OR10H1: variants seen among roughly 807,000 people sequenced by gnomAD.
OR10H1 encodes the protein olfactory receptor family 10 subfamily H member 1.
In OR10H1, 12 loss-of-function variants were observed where a neutral mutation model predicts 13.1. The ratio of observed to expected loss-of-function variants is 0.92; its 90% CI spans 0.59 to 1.48. The LOEUF is 1.48. Ranked by LOEUF, OR10H1 falls within the 40% of genes most tolerant of loss-of-function variation. OR10H1 has a pLI of 0.00. For synonymous variants in OR10H1, 168 were observed against 175.6 expected (o/e 0.96, Z 0.34); for missense variants, 363 against 413.1 (o/e 0.88, Z 1.05).
rs1474432236 is a variant in OR10H1, at chr19:15,805,306, A to C, written c.*1775T>G. The C allele has an allele frequency of 1.3e-5, 2 of 152,118 alleles. No homozygotes were observed. Among genetic ancestry groups the C allele is most frequent in the African/African-American group, 4.8e-5 (2 of 41,440 alleles). 9.4% of individuals were successfully genotyped at this position (152,118 alleles called of 1,614,324 possible). On this transcript the variant is annotated 3_prime_UTR_variant, in exon 4 of 4. Transcript: ENST00000641419. ...GTTGTTTTGACTGCTTGAATGATGG[A>C]GAATTCACACTTTAGAAAAAAATGA...
In OR10H1 at chr19:15,807,754, A is replaced by G; in HGVS notation, c.284T>C (p.Leu95Pro). 6.2e-7 allele frequency: 1 copy of G among 1,611,542 alleles called. No homozygotes were observed. Among genetic ancestry groups the G allele is most frequent in the Non-Finnish European group, 8.5e-7 (1 of 1,177,990 alleles). Reference sequence around the variant, plus strand: ...GAAGAACATCTGACTGGCACAGGCCAGGAAGGCGATGGAGCGCTGGGTGGA... The same window carrying G: ...GAAGAACATCTGACTGGCACAGGCCGGGAAGGCGATGGAGCGCTGGGTGGA... ...LLSTQRSIAF[L>P]ACASQMFFSF... Residue 95 changes from leucine to proline, a missense_variant, in exon 4 of 4, where the codon CTG becomes CCG. Physicochemically the swap from Leu to Pro is moderately conservative, Grantham distance 98 (BLOSUM62 -3). Coordinates refer to ENST00000641419, the MANE Select transcript of OR10H1 (RefSeq NM_013940.4).
At chr19:15,811,972 G>A (rs1415603400) in intron 2 of OR10H1, among the ~76,000 whole-genome samples, 3 of 152,168 alleles carry the variant, frequency 2.0e-5, no homozygotes, top group South Asian at 2.1e-4. Flanking sequence ...CAACAACACC[G>A]ATGAGAGCAG....
intron 2 of OR10H1, among the ~76,000 whole-genome samples, chr19:15,809,171 G>C (rs1351292401): frequency 2.0e-5 from 3 of 152,212 alleles, no homozygotes; most frequent in Non-Finnish European, 2.9e-5. Flanking sequence ...TCTATGTTCT[G>C]AGGCAATGAA....
Position 15,807,767 on chromosome 19 carries a change from A to G in OR10H1, c.271T>C (p.Ser91Pro). 6.2e-7 allele frequency: 1 copy of G among 1,609,184 alleles called. No homozygotes were observed. The highest frequency in any genetic ancestry group is 1.3e-5 in the African/African-American group (1 of 74,928). ...MLADLLSTQR[S>P]IAFLACASQM... ...CTGGCACAGGCCAGGAAGGCGATGG[A>G]GCGCTGGGTGGACAGCAGGTCGGCC... Residue 91 changes from serine to proline, a missense_variant, in exon 4 of 4, where the codon TCC becomes CCC. Around this residue, in one of 3 missense-constraint regions of OR10H1, gnomAD observed 318 missense variants for 366.6 expected, o/e 0.87. Transcript: ENST00000641419.
Position 15,806,936 on chromosome 19 carries a change from A to G in OR10H1, c.*145T>C, listed in dbSNP as rs549350114. 1.4e-6 allele frequency: 1 copy of G among 737,688 alleles called. No homozygotes were observed. The highest frequency in any genetic ancestry group is 1.8e-5 in the South Asian group (1 of 56,948). The allele number at this position is 737,688 out of a possible 1,614,324, so 45.7% of individuals were successfully genotyped here. ...GAGATGGGGTTTCGCCATGTTAGCC[A>G]TGCTGGTCTCAAACTCCTGACCTCA... is the stretch of plus-strand genomic sequence containing the variant. On this transcript the variant is annotated 3_prime_UTR_variant, in exon 4 of 4. Coordinates refer to ENST00000641419, the MANE Select transcript of OR10H1 (RefSeq NM_013940.4).
chr19:15,811,582 G>T (rs912603844), intron 2 of OR10H1, among the ~76,000 whole-genome samples: 1 of 152,010 alleles, frequency 6.6e-6, no homozygotes, highest in African/African-American at 2.4e-5. Context: ...GAGTGCAGCC[G>T]CAACTCCTTC....
chr19:15,814,679 T>C (rs1050581202), intron 1 of OR10H1, among the ~76,000 whole-genome samples: 16 of 152,028 alleles, frequency 1.1e-4, no homozygotes, highest in African/African-American at 3.9e-4. Flanking sequence ...AATTTTTGTA[T>C]TTTTTTGTAC....
chr19:15,813,681 G>C (rs1447987190), intron 1 of OR10H1, among the ~76,000 whole-genome samples: 3 of 149,534 alleles, frequency 2.0e-5, no homozygotes, highest in African/African-American at 7.4e-5. Context: ...GGTGGGGGGA[G>C]AGAGAGAGAG....
At chr19:15,815,288 C>T (rs914945557) in intron 1 of OR10H1, among the ~76,000 whole-genome samples, 4 of 151,214 alleles carry the variant, frequency 2.6e-5, no homozygotes, top group African/African-American at 9.8e-5. Flanking sequence ...TTGCAGTGAG[C>T]CGAGATTGCG....
In OR10H1 at chr19:15,804,683, A is replaced by G. The variant is rs1258244229; in HGVS notation, c.*2398T>C. ...TACTGTGAATAGTGCTGCAGTAAAC[A>G]TGTGTGCATGTGTCTTTATAGCAGC... is the stretch of plus-strand genomic sequence containing the variant. On this transcript the variant is annotated 3_prime_UTR_variant, in exon 4 of 4. Transcript: ENST00000641419. 6.6e-6 allele frequency: 1 copy of G among 152,194 alleles called. No homozygotes were observed. Among genetic ancestry groups the G allele is most frequent in the Non-Finnish European group, 1.5e-5 (1 of 68,044 alleles). The allele number at this position is 152,194 out of a possible 1,614,324, so 9.4% of individuals were successfully genotyped here.
chr19:15,806,946 C>CA lies in OR10H1; in HGVS notation c.*134dup. On this transcript the variant is annotated 3_prime_UTR_variant, in exon 4 of 4. Transcript: ENST00000641419. ...TTCGCCATGTTAGCCATGCTGGTCTCAAACTCCTGACCTCAGGTGATCCGC... is the reference window on the plus strand; with the variant it reads ...TTCGCCATGTTAGCCATGCTGGTCTCAAAACTCCTGACCTCAGGTGATCCGC... 1.2e-6 allele frequency: 1 copy of CA among 804,522 alleles called. No individual in the cohort carries two copies. The highest frequency in any genetic ancestry group is 1.7e-5 in the South Asian group (1 of 58,538). The allele number at this position is 804,522 out of a possible 1,614,324, so 49.8% of individuals were successfully genotyped here. A position where few individuals can be genotyped will look rare whatever the true frequency, so the allele number is the denominator to read the frequency against.
chr19:15,813,072 A>T (rs1329979922), intron 1 of OR10H1, among the ~76,000 whole-genome samples, 194 bp from the exon 2 acceptor site: 1 of 152,044 alleles, frequency 6.6e-6, no homozygotes, highest in African/African-American at 2.4e-5. Context: ...CCCAAGAGTG[A>T]ACTCTAATGT....
intron 1 of OR10H1, among the ~76,000 whole-genome samples, chr19:15,813,617 C>G (rs200426114): frequency 3.3e-4 from 39 of 119,954 alleles, no homozygotes; most frequent in South Asian, 5.3e-4. Context: ...AGAGCACACA[C>G]AGAGAGAGAG....
intron 1 of OR10H1, among the ~76,000 whole-genome samples, chr19:15,813,830 G>T (rs934874477): frequency 6.6e-6 from 1 of 150,482 alleles, no homozygotes; most frequent in African/African-American, 2.4e-5. Flanking sequence ...AGAGAGAGAA[G>T]TGGAGAGAGA....
chr19:15,812,499 A>AG lies in OR10H1; in HGVS notation c.-399dup. The stretch of plus-strand genomic sequence containing the variant: ...GGACTGCAGGAGGAAGGAAGGAGGG[A>AG]GGGAGGGAAGGAGGAAGGAAGGAAC... On this transcript the variant is annotated 5_prime_UTR_variant, in exon 2 of 4. An upstream open reading frame in the 5' UTR loses its in-frame stop. Coordinates refer to ENST00000641419, the MANE Select transcript of OR10H1 (RefSeq NM_013940.4). 1 of 130,390 alleles carries AG rather than the reference A, an allele frequency of 7.7e-6. No individual in the cohort carries two copies. The highest frequency in any genetic ancestry group is 2.5e-4 in the East Asian group (1 of 3,960). The allele number at this position is 130,390 out of a possible 1,614,324, so 8.1% of individuals were successfully genotyped here.
At chr19:15,811,804 G>T (rs2088933814) in intron 2 of OR10H1, among the ~76,000 whole-genome samples, 1 of 152,130 alleles carries the variant, frequency 6.6e-6, no homozygotes, top group African/African-American at 2.4e-5. Context: ...TTCTCGCTCT[G>T]TGCCTCCTAC....
Position 15,807,393 on chromosome 19 carries a change from G to A in OR10H1, c.645C>T (p.Ile215=), listed in dbSNP as rs1181036170. The change falls in exon 4 of 4, where the codon ATC becomes ATT. Residue 215 remains isoleucine, a synonymous_variant. Coordinates refer to ENST00000641419, the MANE Select transcript of OR10H1 (RefSeq NM_013940.4). ...ITALLGCFLL[I]LLSYAFIVAA... is the part of the protein sequence containing the mutation. ...CCACGATGAAGGCATAGGAGAGGAG[G>A]ATGAGGAGAAAACAGCCCAGCAGGG... 1 of 1,614,160 alleles carries A rather than the reference G, an allele frequency of 6.2e-7. No homozygotes were observed. The highest frequency in any genetic ancestry group is 8.5e-7 in the Non-Finnish European group (1 of 1,180,034).
chr19:15,812,206 T>C (rs2088935905), intron 2 of OR10H1, 24 bp downstream of exon 2: 1 of 152,204 alleles, frequency 6.6e-6, no homozygotes, highest in Non-Finnish European at 1.5e-5. Context: ...AGCCTGTCTT[T>C]TCCTAACCTC....
Position 15,814,850 on chromosome 19 carries a change from C to A in OR10H1, c.-778+705G>T, listed in dbSNP as rs1052322626. Reference sequence around the variant, plus strand: ...TGGGGTGGTGGCTGGAGCTTCTGAACCCTGAATCCTCTTTCTCTCTTTTCT... The same window carrying A: ...TGGGGTGGTGGCTGGAGCTTCTGAAACCTGAATCCTCTTTCTCTCTTTTCT... On this transcript the variant is annotated intron_variant, in intron 1 of 3. Coordinates refer to ENST00000641419, the MANE Select transcript of OR10H1 (RefSeq NM_013940.4). Among the ~76,000 whole-genome samples the A allele has an allele frequency of 4.6e-5, 7 of 152,278 alleles. No individual in the cohort carries two copies. In the South Asian group the frequency reaches 1.5e-3, roughly 32 times the overall value.
Sources: gnomAD v4.1 joint callset for allele counts (sites outside exome capture counted in the v4.1 genomes callset) on GRCh38, gnomAD v4.1.1 for gene constraint, gnomAD v4.1.1 regional missense constraint, MANE v1.5 for transcripts, NCBI Gene and HGNC (gene_info 2026-07-23, HGNC 2026-07-21) for gene names.